Variants in SGCD observed in about 807,000 individuals in gnomAD.
SGCD encodes delta-sarcoglycan.
Under a neutral mutation model 36.6 loss-of-function variants are expected in SGCD, and 18 were observed. The ratio of observed to expected loss-of-function variants is 0.49; its 90% confidence interval spans 0.34 to 0.73. The LOEUF (loss-of-function observed/expected upper bound fraction) is 0.73. Ranked by LOEUF, SGCD falls within the 30% of genes least tolerant of loss-of-function variation. The pLI is 0.01. For synonymous variants in SGCD, 133 were observed against 130.6 expected (o/e 1.02, Z -0.12); for missense variants, 387 against 346.7 (o/e 1.12, Z -0.92).
At chr5:156,234,345 C>G (rs907996584) in intron 3 of SGCD, among the ~76,000 whole-genome samples, 1 of 152,036 alleles carries the variant, frequency 6.6e-6, no homozygotes. Context: ...TTTTCAGTCT[C>G]TTAACCCAGC....
chr5:155,953,315 G>C (rs1313345546), intron 1 of SGCD, among the ~76,000 whole-genome samples: 5 of 152,128 alleles, frequency 3.3e-5, no homozygotes, highest in African/African-American at 4.8e-5. Flanking sequence ...CCAATATCAA[G>C]AGACCTGCAA....
intron 3 of SGCD, among the ~76,000 whole-genome samples, chr5:156,134,102 C>T (rs978232205): frequency 1.3e-5 from 2 of 152,072 alleles, no homozygotes; most frequent in Admixed American, 6.6e-5. Context: ...ACAGAAAGAC[C>T]TTTTTTTCCC....
At chr5:156,450,902 A>G (rs1753979799) in intron 3 of SGCD, among the ~76,000 whole-genome samples, 1 of 151,874 alleles carries the variant, frequency 6.6e-6, no homozygotes, top group East Asian at 1.9e-4. Flanking sequence ...AGAAAATTTC[A>G]AAAAAAAGAG....
intron 1 of SGCD, among the ~76,000 whole-genome samples, chr5:155,919,910 G>A (rs1208801485): frequency 6.6e-6 from 1 of 152,150 alleles, no homozygotes; most frequent in Admixed American, 6.5e-5. Flanking sequence ...CTTTGCATGG[G>A]AGGAGAGACA....
intron 6 of SGCD, among the ~76,000 whole-genome samples, chr5:156,633,270 T>G (rs778801235): frequency 4.6e-5 from 7 of 152,192 alleles, no homozygotes; most frequent in Non-Finnish European, 4.4e-5. Flanking sequence ...GTTCTCAAGC[T>G]AGAATCTGAT....
intron 3 of SGCD, among the ~76,000 whole-genome samples, chr5:156,134,740 A>T (rs1398535665): frequency 6.6e-6 from 1 of 152,046 alleles, no homozygotes; most frequent in Non-Finnish European, 1.5e-5. Context: ...GATATACCTA[A>T]TATAAATGAT....
At chr5:156,558,193 C>A (rs536225765) in intron 4 of SGCD, among the ~76,000 whole-genome samples, 1 of 148,920 alleles carries the variant, frequency 6.7e-6, no homozygotes, top group East Asian at 2.0e-4. Flanking sequence ...CAGGGACTTA[C>A]AATGAAAGCC....
chr5:156,423,258 TTTA>T (rs1373639978), intron 3 of SGCD, among the ~76,000 whole-genome samples: 3 of 124,294 alleles, frequency 2.4e-5, no homozygotes, highest in South Asian at 2.2e-4. Context: ...AATATTATAT[TTTA>T]TTATAATATA....
upstream of SGCD, among the ~76,000 whole-genome samples, chr5:155,867,865 C>T (rs1230492310): frequency 6.6e-6 from 1 of 152,072 alleles, no homozygotes. Flanking sequence ...GACTTAGAAA[C>T]ATTAAGTAAT....
intron 3 of SGCD, among the ~76,000 whole-genome samples, chr5:156,128,774 T>A (rs1441650519): frequency 6.6e-6 from 1 of 152,170 alleles, no homozygotes; most frequent in African/African-American, 2.4e-5. Flanking sequence ...GATTGTAAGT[T>A]TCCAGAACTG....
chr5:156,516,851 G>A (rs1757198354), intron 4 of SGCD, among the ~76,000 whole-genome samples: 1 of 152,108 alleles, frequency 6.6e-6, no homozygotes, highest in African/African-American at 2.4e-5. Context: ...ACAAAAATTA[G>A]CCAGGCTTGG....
In SGCD at chr5:156,063,700, T is replaced by C. The variant is rs374918802; in HGVS notation, c.-281-54178T>C. ...TATTTTATTCTCTTTGAAGCAATTG[T>C]GAATGGGAGTTCACCCATGATTTGG... is the stretch of plus-strand genomic sequence containing the variant. On this transcript the variant is annotated intron_variant, in intron 1 of 9. Coordinates refer to the SGCD transcript ENST00000517913. Among the ~76,000 whole-genome samples, 4 of 24,754 alleles carry C rather than the reference T, an allele frequency of 1.6e-4. 1 individual carries two copies. Among genetic ancestry groups the C allele is most frequent in the South Asian group, 2.1e-3 (1 of 470 alleles). 16.2% of individuals were successfully genotyped at this position (24,754 alleles called of 152,430 possible). A position where few individuals can be genotyped will look rare whatever the true frequency, so the allele number is the denominator to read the frequency against.
At chr5:156,607,832 T>A (rs1761548917) in intron 6 of SGCD, among the ~76,000 whole-genome samples, 1 of 152,256 alleles carries the variant, frequency 6.6e-6, no homozygotes, top group Non-Finnish European at 1.5e-5. Context: ...TTTATTTGTG[T>A]AGAGGTGTTT....
At chr5:156,125,614 A>G (rs992084076) in intron 3 of SGCD, among the ~76,000 whole-genome samples, 1 of 152,036 alleles carries the variant, frequency 6.6e-6, no homozygotes, top group Non-Finnish European at 1.5e-5. Flanking sequence ...TTTACAAAGT[A>G]GATTAATTAT....
the SGCD span, among the ~76,000 whole-genome samples, chr5:155,858,725 G>C: frequency 6.6e-5 from 10 of 152,192 alleles, no homozygotes; most frequent in African/African-American, 2.4e-4. Context: ...TGGAGGAGAA[G>C]TTCTGGGTCG....
the SGCD span, among the ~76,000 whole-genome samples, chr5:155,778,472 C>A: frequency 6.6e-6 from 1 of 152,096 alleles, no homozygotes. Context: ...CCACTTTTGT[C>A]CCCCCATACA....
At chr5:156,345,365 G>A (rs189963572) in intron 3 of SGCD, among the ~76,000 whole-genome samples, 92 of 152,234 alleles carry the variant, frequency 6.0e-4, no homozygotes, top group African/African-American at 2.1e-3. Flanking sequence ...CCTGAAAAAT[G>A]ACTTTTGGAG....
chr5:156,416,544 G>A lies in SGCD; in HGVS notation c.192+71867G>A, dbSNP rs114390219. On this transcript the variant is annotated intron_variant, in intron 3 of 8. Coordinates refer to ENST00000337851, the MANE Select transcript of SGCD (RefSeq NM_000337.6). ...AAAAAAATTTTAAATGAAAAAAATG[G>A]GGGGGGAAAAAAGTGCTTTGGCACC... Among the ~76,000 whole-genome samples the A allele has an allele frequency of 3.0e-3, 457 of 152,118 alleles. 4 individuals are homozygous for A. Among genetic ancestry groups the A allele is most frequent in the African/African-American group, 9.1e-3 (379 of 41,518 alleles).
intron 1 of SGCD, among the ~76,000 whole-genome samples, chr5:156,071,808 G>A (rs1760573353): frequency 6.6e-6 from 1 of 152,096 alleles, no homozygotes; most frequent in Admixed American, 6.5e-5. Flanking sequence ...CATGAATCTG[G>A]GTGCTCCTGT....
Sources: allele counts gnomAD v4.1 joint callset (sites outside exome capture counted in the v4.1 genomes callset), GRCh38; gene constraint gnomAD v4.1.1; transcripts MANE v1.5; gene names NCBI Gene and HGNC (gene_info 2026-07-23, HGNC 2026-07-21).